Variants in TCF12 observed in about 807,000 individuals in gnomAD.
TCF12 encodes the protein DNA-binding protein HTF4.
A neutral mutation model predicts 86.0 loss-of-function variants in TCF12; 45 were observed. That is an observed-to-expected ratio of 0.52 (90% CI 0.41 to 0.67). TCF12 has a LOEUF of 0.67. Among genes scored for constraint, TCF12 ranks in the 30% least tolerant of loss-of-function variants. The pLI, the probability that TCF12 is intolerant of heterozygous loss-of-function variation, is 0.00. For synonymous variants in TCF12, 330 were observed against 299.6 expected (o/e 1.10, Z -1.05); for missense variants, 881 against 859.9 (o/e 1.02, Z -0.31).
chr15:57,245,650 A>T (rs1423354570), intron 13 of TCF12, among the ~76,000 whole-genome samples: 3 of 152,182 alleles, frequency 2.0e-5, no homozygotes, highest in African/African-American at 7.2e-5. Context: ...AGAATCCAAG[A>T]TTTAGACATT....
Position 57,231,189 on chromosome 15 carries a change from G to T in TCF12, c.617G>T (p.Arg206Leu), listed in dbSNP as rs144002854. The T allele has an allele frequency of 6.2e-7, 1 of 1,612,890 alleles. No homozygotes were observed. The highest frequency in any genetic ancestry group is 8.5e-7 in the Non-Finnish European group (1 of 1,179,248). ...APSPNSDDFNRESPSYPSPKP... is the reference protein window; with the variant it reads ...APSPNSDDFNLESPSYPSPKP... ...TCCCCAAATTCAGATGATTTCAACC[G>T]TGAATCTCCTAGTTATCCATCTCCT... The change falls in exon 9 of 21, where the codon CGT (arginine) becomes CTT (leucine). Residue 206 changes from arginine (R) to leucine (L), a missense_variant. This residue lies in a region of TCF12 where 766 missense variants were observed against 718.9 expected (regional missense o/e 1.07). Coordinates refer to ENST00000333725, the MANE Select transcript of TCF12 (RefSeq NM_207037.2).
intron 8 of TCF12, among the ~76,000 whole-genome samples, chr15:57,208,481 C>G (rs2057958418): frequency 1.4e-5 from 2 of 140,368 alleles, no homozygotes; most frequent in African/African-American, 5.3e-5. Context: ...CTCCTGGGCT[C>G]AAGTGATCCT....
chr15:57,284,854 C>G (rs772416657), intron 20 of TCF12, among the ~76,000 whole-genome samples: 3 of 152,318 alleles, frequency 2.0e-5, no homozygotes, highest in Admixed American at 6.5e-5. Flanking sequence ...TTTCATACTG[C>G]TCTCATAGCT....
intron 3 of TCF12, among the ~76,000 whole-genome samples, chr15:57,039,096 C>G (rs1362894969): frequency 6.6e-6 from 1 of 152,142 alleles, no homozygotes; most frequent in Non-Finnish European, 1.5e-5. Context: ...CCATTCCGTA[C>G]CATTAATTCA....
Position 57,192,222 on chromosome 15 carries a change from C to T in TCF12, c.455C>T (p.Pro152Leu). The change falls in exon 7 of 21, where the codon CCT becomes CTT. Residue 152 changes from proline to leucine, a missense_variant. Pro to Leu is a moderately conservative substitution (Grantham distance 98). Around this residue, in one of 3 missense-constraint regions of TCF12, gnomAD observed 766 missense variants for 718.9 expected, o/e 1.07. Coordinates refer to ENST00000333725, the MANE Select transcript of TCF12 (RefSeq NM_207037.2). Reference protein sequence around the residue: ...SPAQLSSSGKPGTAYYSFSAT... With the variant: ...SPAQLSSSGKLGTAYYSFSAT... The stretch of plus-strand genomic sequence containing the variant: ...GCACAGCTATCTTCTTCAGGAAAAC[C>T]TGGGACAGCATACTATTCATTCTCT... The T allele has an allele frequency of 1.2e-6, 2 of 1,614,112 alleles. No homozygotes were observed. Among genetic ancestry groups the T allele is most frequent in the Non-Finnish European group, 8.5e-7 (1 of 1,179,992 alleles).
intron 5 of TCF12, among the ~76,000 whole-genome samples, chr15:57,160,586 A>G (rs1166380762): frequency 1.3e-5 from 2 of 152,202 alleles, no homozygotes; most frequent in African/African-American, 2.4e-5. Context: ...CTAAATGTCT[A>G]ACAAATGTAG....
At chr15:57,262,982 T>C in intron 17 of TCF12, 130 bp from the exon 18 acceptor site, 1 of 887,654 alleles carries the variant, frequency 1.1e-6, no homozygotes, top group Non-Finnish European at 1.7e-6. Flanking sequence ...CTTTCCTACA[T>C]CTTCAAACCT....
intron 4 of TCF12, among the ~76,000 whole-genome samples, chr15:57,068,500 C>G (rs1385594237): frequency 6.6e-6 from 1 of 152,046 alleles, no homozygotes; most frequent in African/African-American, 2.4e-5. Flanking sequence ...ATCAATTTCC[C>G]CTCTTCAACT....
At chr15:57,072,658 A>G (rs1414694998) in intron 4 of TCF12, 9 of 1,304,820 alleles carry the variant, frequency 6.9e-6, no homozygotes, top group East Asian at 4.4e-5. Flanking sequence ...CTCAGGTACA[A>G]TACACGAGAT....
rs1382706449 is a variant in TCF12 at position 57,044,231 on chromosome 15, T to TA, written c.149-19517dup. The stretch of plus-strand genomic sequence containing the variant: ...GATAATGAGCCACATGACTCTAATA[T>TA]AAGCTCTGCTATTTGAGTTTTAAAT... On this transcript the variant is annotated intron_variant, in intron 3 of 20. Transcript: ENST00000333725. 1.5e-4 allele frequency among the ~76,000 whole-genome samples: 23 copies of TA among 152,284 alleles called. No individual in the cohort carries two copies. The East Asian group carries it at 4.4e-3, about 29-fold the overall frequency.
rs2733338 is a variant in TCF12 at position 57,164,960 on chromosome 15, C to T, written c.326-1442C>T. Among the ~76,000 whole-genome samples, 1,281 of 152,270 alleles carry T rather than the reference C, an allele frequency of 8.4e-3. 27 individuals carry two copies. The highest frequency in any genetic ancestry group is 0.029 in the African/African-American group (1,212 of 41,552). On this transcript the variant is annotated intron_variant, in intron 5 of 20. Transcript: ENST00000333725. ...CCTCCCAAAGTGCTGGGATTGCAGG[C>T]GTGAGCCACTGCCCCCCACCACAGC...
chr15:57,078,829 A>T (rs1425275910), intron 4 of TCF12, among the ~76,000 whole-genome samples: 1 of 152,198 alleles, frequency 6.6e-6, no homozygotes, highest in East Asian at 1.9e-4. Flanking sequence ...CAAGAAATCC[A>T]TTTCGGTTAT....
intron 8 of TCF12, among the ~76,000 whole-genome samples, chr15:57,211,826 C>T (rs1049309349): frequency 2.0e-4 from 30 of 152,262 alleles, no homozygotes; most frequent in South Asian, 6.2e-4. Context: ...TGGTAGCACA[C>T]GCCTGTAATC....
At chr15:57,252,319 T>C (rs2060155075) in intron 14 of TCF12, 102 bp from the exon 15 acceptor site, 1 of 818,434 alleles carries the variant, frequency 1.2e-6, no homozygotes. Context: ...GCGTTAACTT[T>C]ACTAACATGT....
At chr15:56,967,740 A>T (rs1331348654) in intron 3 of TCF12, among the ~76,000 whole-genome samples, 1 of 152,232 alleles carries the variant, frequency 6.6e-6, no homozygotes, top group Non-Finnish European at 1.5e-5. Context: ...GCTCAACTGC[A>T]CTAGGATACA....
At chr15:56,943,559 ACT>A (rs2060872384) in intron 3 of TCF12, among the ~76,000 whole-genome samples, 1 of 152,190 alleles carries the variant, frequency 6.6e-6, no homozygotes, top group Admixed American at 6.6e-5. Flanking sequence ...ATTCAGTTTT[ACT>A]CTCATTCTTG....
intron 18 of TCF12, among the ~76,000 whole-genome samples, chr15:57,268,256 T>C (rs1306579318): frequency 2.0e-5 from 3 of 152,192 alleles, no homozygotes; most frequent in Non-Finnish European, 4.4e-5. Context: ...TTTCAAGTGC[T>C]CTTGGAGATT....
chr15:57,064,737 A>C (rs1410561531), intron 4 of TCF12, among the ~76,000 whole-genome samples: 1 of 146,482 alleles, frequency 6.8e-6, no homozygotes, highest in Non-Finnish European at 1.5e-5. Flanking sequence ...CAGAGGTTGC[A>C]GTGAGCCAAG....
At chr15:57,111,748 A>G (rs2050508578) in intron 5 of TCF12, among the ~76,000 whole-genome samples, 1 of 152,068 alleles carries the variant, frequency 6.6e-6, no homozygotes, top group Non-Finnish European at 1.5e-5. Flanking sequence ...ACGAGCCACC[A>G]TGCCCAACTA....
Sources: gnomAD v4.1 joint callset for allele counts (sites outside exome capture counted in the v4.1 genomes callset) on GRCh38, gnomAD v4.1.1 for gene constraint, gnomAD v4.1.1 regional missense constraint, MANE v1.5 for transcripts, NCBI Gene and HGNC (gene_info 2026-07-23, HGNC 2026-07-21) for gene names.